The following AGBL1 variants were observed in gnomAD, a reference collection of about 807,000 sequenced individuals.
The protein encoded by AGBL1 is AGBL carboxypeptidase 1.
Under a neutral mutation model 118.9 loss-of-function variants are expected in AGBL1, and 130 were observed. That is an observed-to-expected ratio of 1.09 (90% CI 0.95 to 1.26). The LOEUF (loss-of-function observed/expected upper bound fraction) is 1.26, where lower values mean the gene tolerates loss of function less well. AGBL1 is among the 50% of genes most tolerant of loss of function. The probability of loss-of-function intolerance (pLI) is 0.00; values close to 1 mark genes in which losing one functional copy is unlikely to be tolerated. For missense variants in AGBL1, 1,584 were observed against 1,298.1 expected, an observed-to-expected ratio of 1.22 and a Z score of -3.38; for synonymous variants, 555 against 478.9, an observed-to-expected ratio of 1.16 and a Z score of -2.08.
At chr15:86,791,701 A>G (rs1234728266) in intron 22 of AGBL1, among the ~76,000 whole-genome samples, 3 of 149,110 alleles carry the variant, frequency 2.0e-5, no homozygotes, top group East Asian at 4.0e-4. Context: ...GTATCAGCTG[A>G]ATTCTGAACT....
In AGBL1 at chr15:86,911,610, C is replaced by CAT. The variant is rs1463645111; in HGVS notation, c.*4319_*4320dup. The CAT allele has an allele frequency of 6.6e-6, 1 of 152,160 alleles. No individual in the cohort carries two copies. Among genetic ancestry groups the CAT allele is most frequent in the African/African-American group, 2.4e-5 (1 of 41,428 alleles). The allele number at this position is 152,160 out of a possible 1,614,324, so 9.4% of individuals were successfully genotyped here. ...ACTTATGCTTGTGAGTGTCTACACA[C>CAT]ATATGCACATGCACAGTGCAATAGG... On this transcript the variant is annotated 3_prime_UTR_variant, in exon 23 of 23. Transcript: ENST00000614907.
intron 22 of AGBL1, among the ~76,000 whole-genome samples, chr15:86,724,476 A>G (rs11073659): frequency 0.32 from 48,026 of 151,828 alleles, 7,628 homozygotes; most frequent in South Asian, 0.36. Context: ...AGCATCATGG[A>G]TGAATAGCAA....
At chr15:86,373,178 A>C (rs532069383) in intron 17 of AGBL1, among the ~76,000 whole-genome samples, 1 of 152,302 alleles carries the variant, frequency 6.6e-6, no homozygotes, top group Admixed American at 6.5e-5. Context: ...GGTTTAATCA[A>C]CATATCCTTA....
At chr15:86,445,762 TG>T (rs1338881700) in intron 18 of AGBL1, among the ~76,000 whole-genome samples, 10 of 151,978 alleles carry the variant, frequency 6.6e-5, no homozygotes, top group Non-Finnish European at 7.4e-5. Flanking sequence ...ATAAATGAAG[TG>T]GAAAGGAAAG....
chr15:86,773,870 C>T (rs575862931), intron 22 of AGBL1, among the ~76,000 whole-genome samples: 178 of 152,104 alleles, frequency 1.2e-3, no homozygotes, highest in Non-Finnish European at 2.0e-3. Flanking sequence ...ATGAAATATA[C>T]CAGCTCCACA....
intron 21 of AGBL1, among the ~76,000 whole-genome samples, chr15:86,660,028 A>T (rs1188247290): frequency 6.6e-6 from 1 of 151,700 alleles, no homozygotes; most frequent in Non-Finnish European, 1.5e-5. Flanking sequence ...CCACAGGCAC[A>T]TTTGTAGCCA....
intron 22 of AGBL1, among the ~76,000 whole-genome samples, chr15:86,680,623 G>A (rs2085937259): frequency 7.7e-6 from 1 of 130,380 alleles, no homozygotes; most frequent in Admixed American, 8.7e-5. Flanking sequence ...CTGGAGTGCA[G>A]TGGGGCAATC....
At chr15:86,315,167 C>T (rs2079982278) in intron 17 of AGBL1, among the ~76,000 whole-genome samples, 1 of 152,142 alleles carries the variant, frequency 6.6e-6, no homozygotes, top group African/African-American at 2.4e-5. Flanking sequence ...TTTTAATACC[C>T]AGGGTAACCC....
intron 22 of AGBL1, among the ~76,000 whole-genome samples, chr15:86,840,333 TG>T (rs1162693610): frequency 6.6e-6 from 1 of 152,194 alleles, no homozygotes; most frequent in Non-Finnish European, 1.5e-5. Context: ...AGTTGAGAGA[TG>T]GAGTATTCTT....
intron 17 of AGBL1, among the ~76,000 whole-genome samples, chr15:86,306,318 C>G (rs1166611108): frequency 6.6e-6 from 1 of 152,128 alleles, no homozygotes; most frequent in Non-Finnish European, 1.5e-5. Context: ...CCTCTACTAC[C>G]TTCCAAGCCT....
intron 1 of AGBL1, among the ~76,000 whole-genome samples, chr15:86,130,691 T>C (rs2076808048): frequency 1.3e-5 from 2 of 152,214 alleles, no homozygotes; most frequent in African/African-American, 4.8e-5. Flanking sequence ...GCATTCCAAA[T>C]TCAGTTTTTA....
In AGBL1 at chr15:86,279,753, C is replaced by T; in HGVS notation, c.2190C>T (p.Tyr730=). The T allele has an allele frequency of 6.2e-7, 1 of 1,613,806 alleles. No homozygotes were observed. The highest frequency in any genetic ancestry group is 8.5e-7 in the Non-Finnish European group (1 of 1,179,764). The stretch of plus-strand genomic sequence containing the variant: ...GTGAGGATGTCTGCTACCTGGCCTA[C>T]CACTATCCCTATACCTACACAGCCC... ...PHSEDVCYLA[Y]HYPYTYTALM... The change falls in exon 16 of 23, where the codon TAC becomes TAT. Residue 730 remains tyrosine (Y), a synonymous_variant. Coordinates refer to ENST00000614907, the MANE Select transcript of AGBL1 (RefSeq NM_001386094.1).
intron 18 of AGBL1, among the ~76,000 whole-genome samples, chr15:86,403,112 G>A (rs2141998826): frequency 6.6e-6 from 1 of 152,248 alleles, no homozygotes; most frequent in Non-Finnish European, 1.5e-5. Context: ...GAAGACAGGT[G>A]ATTCCTGAAC....
chr15:86,532,226 A>C (rs976029391), intron 19 of AGBL1, among the ~76,000 whole-genome samples: 1 of 151,204 alleles, frequency 6.6e-6, no homozygotes, highest in African/African-American at 2.4e-5. Context: ...ATCTCAGCCC[A>C]AAATCTCCTT....
At chr15:86,732,589 T>C (rs1190271961) in intron 22 of AGBL1, among the ~76,000 whole-genome samples, 1 of 152,202 alleles carries the variant, frequency 6.6e-6, no homozygotes, top group East Asian at 1.9e-4. Context: ...TTTTGAAAAT[T>C]AAGTTCTTGA....
At chr15:86,537,169 T>C (rs2346714) in intron 19 of AGBL1, among the ~76,000 whole-genome samples, 4,754 of 152,258 alleles carry the variant, frequency 0.031, 126 homozygotes, top group East Asian at 0.12. Flanking sequence ...GATAGGTCAG[T>C]ATTCAGTCCC....
chr15:87,028,351 T>C (rs1428842840), intron 24 of AGBL1, among the ~76,000 whole-genome samples: 1 of 152,112 alleles, frequency 6.6e-6, no homozygotes, highest in Non-Finnish European at 1.5e-5. Flanking sequence ...ATCTGACCCA[T>C]ATAGACTCAA....
In AGBL1 at chr15:86,158,511, A is replaced by AG. The variant is rs937508796; in HGVS notation, c.395-419dup. ...CTACCTAAAGTGATCTAAGTGGAAT[A>AG]GGGTACTGGGAATGTTGGAGAGACG... On this transcript the variant is annotated intron_variant, in intron 4 of 22. Coordinates refer to ENST00000614907, the MANE Select transcript of AGBL1 (RefSeq NM_001386094.1). Among the ~76,000 whole-genome samples the AG allele has an allele frequency of 3.5e-4, 54 of 152,242 alleles. 1 individual carries two copies. Among genetic ancestry groups the AG allele is most frequent in the African/African-American group, 1.3e-3 (54 of 41,470 alleles).
chr15:86,376,923 T>C (rs2081049430), intron 17 of AGBL1, among the ~76,000 whole-genome samples: 1 of 152,232 alleles, frequency 6.6e-6, no homozygotes, highest in African/African-American at 2.4e-5. Flanking sequence ...TAAATTCCCC[T>C]TTTGTCCAAA....
Sources: gnomAD v4.1 joint callset for allele counts (sites outside exome capture counted in the v4.1 genomes callset) on GRCh38, gnomAD v4.1.1 for gene constraint, MANE v1.5 for transcripts, NCBI Gene and HGNC (gene_info 2026-07-23, HGNC 2026-07-21) for gene names.